SFI1: variants seen among roughly 807,000 people sequenced by gnomAD.
SFI1 encodes the protein SFI1 centrin binding protein.
Under a neutral mutation model 207.5 loss-of-function variants are expected in SFI1, and 195 were observed. The ratio of observed to expected loss-of-function variants is 0.94; its 90% CI spans 0.84 to 1.06. The LOEUF is 1.06. SFI1 is among the 50% of genes least tolerant of loss of function. The probability of loss-of-function intolerance (pLI) is 0.00; values close to 1 mark genes in which losing one functional copy is unlikely to be tolerated. For missense variants in SFI1, 1,634 were observed against 1,588.0 expected (o/e 1.03, Z -0.49); for synonymous variants, 630 against 598.9 (o/e 1.05, Z -0.76).
chr22:31,616,658 G>A (rs1323492299), intron 29 of SFI1, 87 bp from the exon 30 acceptor site: 1 of 1,420,340 alleles, frequency 7.0e-7, no homozygotes, highest in South Asian at 1.4e-5. Context: ...CACCCCTGCA[G>A]GGCAGGCAGT....
chr22:31,589,836 T>A (rs1489152812), intron 15 of SFI1, among the ~76,000 whole-genome samples: 14 of 152,264 alleles, frequency 9.2e-5, no homozygotes, highest in Admixed American at 4.6e-4. Flanking sequence ...AAAAAATGTG[T>A]AGTGTTTAAT....
intron 10 of SFI1, 94 bp downstream of exon 10, chr22:31,575,486 A>G: frequency 7.6e-7 from 1 of 1,311,864 alleles, no homozygotes; most frequent in East Asian, 2.5e-5. Context: ...TACATGGGAA[A>G]CAATTGCCAA....
At chr22:31,544,890 CT>C in intron 4 of SFI1, among the ~76,000 whole-genome samples, 1 of 152,136 alleles carries the variant, frequency 6.6e-6, no homozygotes, top group East Asian at 1.9e-4. Context: ...TCTATTTTCC[CT>C]CTTTTTAAGT....
At chr22:31,512,398 T>C (rs1043537810) in intron 2 of SFI1, among the ~76,000 whole-genome samples, 3 of 152,114 alleles carry the variant, frequency 2.0e-5, no homozygotes, top group Non-Finnish European at 2.9e-5. Flanking sequence ...TTTCAGTTTA[T>C]CTATTTTGCT....
At chr22:31,609,568 T>G in intron 22 of SFI1, among the ~76,000 whole-genome samples, 1 of 152,218 alleles carries the variant, frequency 6.6e-6, no homozygotes, top group Non-Finnish European at 1.5e-5. Flanking sequence ...TTTAATAGAG[T>G]TTGCTCCAGG....
chr22:31,508,275 A>G lies in SFI1; in HGVS notation c.-10A>G. On this transcript the variant is annotated 5_prime_UTR_variant, in exon 2 of 33. Coordinates refer to ENST00000400288, the MANE Select transcript of SFI1 (RefSeq NM_001007467.3). ...TGTAGTTAGAAGGGGAAGATAAAAG[A>G]CTTTGATTCATGAAGAATCTGCTCA... The G allele has an allele frequency of 8.8e-6, 14 of 1,589,812 alleles. No individual in the cohort carries two copies. Among genetic ancestry groups the G allele is most frequent in the Non-Finnish European group, 1.2e-5 (14 of 1,159,114 alleles).
chr22:31,586,759 CCT>C (rs1393981035), intron 14 of SFI1, among the ~76,000 whole-genome samples: 1 of 152,164 alleles, frequency 6.6e-6, no homozygotes, highest in Non-Finnish European at 1.5e-5. Context: ...TTATTTCCTT[CCT>C]GGAAAACGAG....
chr22:31,593,512 C>G (rs1236093147), intron 15 of SFI1, among the ~76,000 whole-genome samples: 2 of 126,848 alleles, frequency 1.6e-5, no homozygotes, highest in South Asian at 6.2e-4. Flanking sequence ...ACTTTCCAGA[C>G]TGGGCAGCCA....
chr22:31,542,131 G>GTTTAGGAGCCAGTCTCCTATAAA (rs2059597915), intron 4 of SFI1, among the ~76,000 whole-genome samples: 2 of 146,118 alleles, frequency 1.4e-5, no homozygotes, highest in Admixed American at 6.9e-5. Flanking sequence ...GAAATGTACA[G>GTTTAGGAGCCAGTCTCCTATAAA]TTTAGGAGCC....
intron 22 of SFI1, among the ~76,000 whole-genome samples, chr22:31,608,327 G>A (rs2069431857): frequency 6.6e-6 from 1 of 152,112 alleles, no homozygotes; most frequent in South Asian, 2.1e-4. Flanking sequence ...GGCTTTCCTG[G>A]ACGTGTAGAC....
chr22:31,598,907 C>CTA (rs1166740762), intron 15 of SFI1, among the ~76,000 whole-genome samples: 1 of 148,726 alleles, frequency 6.7e-6, no homozygotes, highest in Non-Finnish European at 1.5e-5. Flanking sequence ...AACTCTCCTG[C>CTA]CTCAGCCTCC....
chr22:31,562,075 G>A (rs73400223), intron 8 of SFI1, among the ~76,000 whole-genome samples: 1,700 of 152,266 alleles, frequency 0.011, 38 homozygotes, highest in African/African-American at 0.039. Context: ...CATGCAAATA[G>A]CATATATAGT....
At chr22:31,567,777 A>T (rs1016472969) in intron 8 of SFI1, among the ~76,000 whole-genome samples, 1 of 152,230 alleles carries the variant, frequency 6.6e-6, no homozygotes. Flanking sequence ...AGTAAATAAA[A>T]AAACAATTGC....
chr22:31,589,211 C>CGTGTGT (rs10597618), intron 14 of SFI1, among the ~76,000 whole-genome samples: 1 of 149,850 alleles, frequency 6.7e-6, no homozygotes, highest in African/African-American at 2.4e-5. Context: ...TATGTGTGTG[C>CGTGTGT]GTGTGTGTGT....
chr22:31,556,957 T>TG lies in SFI1; in HGVS notation c.561dup (p.Arg188AlafsTer15). 1 of 1,604,500 alleles carries TG rather than the reference T, an allele frequency of 6.2e-7. No homozygotes were observed. The highest frequency in any genetic ancestry group is 1.1e-5 in the South Asian group (1 of 90,072). On this transcript the variant is annotated frameshift_variant, in exon 7 of 33. Transcript: ENST00000400288. LOFTEE classifies it high-confidence loss of function. ...GTGAATCTAGATGCAAAGCAAAAGATGCGACAGGCCTGGAAGTCCTGGTTG... is the reference window on the plus strand; with the variant it reads ...GTGAATCTAGATGCAAAGCAAAAGATGGCGACAGGCCTGGAAGTCCTGGTTG...
intron 7 of SFI1, among the ~76,000 whole-genome samples, chr22:31,558,150 G>T (rs1302996014): frequency 6.6e-6 from 1 of 152,128 alleles, no homozygotes; most frequent in African/African-American, 2.4e-5. Flanking sequence ...TTAAAGGTTT[G>T]TCATCAGGAA....
chr22:31,611,575 G>A (rs575195108), intron 23 of SFI1, among the ~76,000 whole-genome samples, 191 bp from the exon 24 acceptor site: 9 of 152,234 alleles, frequency 5.9e-5, no homozygotes, highest in Non-Finnish European at 8.8e-5. Flanking sequence ...TGGCTTATCA[G>A]TGCTGGGGGA....
chr22:31,612,942 A>G (rs947529299), intron 24 of SFI1, 200 bp from the exon 25 acceptor site: 1 of 578,434 alleles, frequency 1.7e-6, no homozygotes. Context: ...ACCTTCTTTC[A>G]TGAAGGTCAT....
Position 31,598,716 on chromosome 22 carries a change from C to CTTTT in SFI1, c.1545-3476_1545-3473dup, listed in dbSNP as rs71184513. Among the ~76,000 whole-genome samples the CTTTT allele has an allele frequency of 5.3e-3, 142 of 26,884 alleles. 35 individuals are homozygous for CTTTT. The highest frequency in any genetic ancestry group is 0.012 in the African/African-American group (105 of 8,642). 17.6% of individuals were successfully genotyped at this position (26,884 alleles called of 152,430 possible). A position where few individuals can be genotyped will look rare whatever the true frequency, so the allele number is the denominator to read the frequency against. On this transcript the variant is annotated intron_variant, in intron 15 of 32. Coordinates refer to ENST00000400288, the MANE Select transcript of SFI1 (RefSeq NM_001007467.3). ...ACAGGCATAAGCCACTGCGCCTGGCCTTTTTTTTTTTTTTTTTTTTTTTGA... is the reference window on the plus strand; with the variant it reads ...ACAGGCATAAGCCACTGCGCCTGGCCTTTTTTTTTTTTTTTTTTTTTTTTTTTGA...
Sources: allele counts gnomAD v4.1 joint callset (sites outside exome capture counted in the v4.1 genomes callset), GRCh38; gene constraint gnomAD v4.1.1; transcripts MANE v1.5; gene names NCBI Gene and HGNC (gene_info 2026-07-23, HGNC 2026-07-21).